The following RPS6KA6 variants were observed in gnomAD, a reference collection of about 807,000 sequenced individuals.
RPS6KA6 encodes the protein ribosomal protein S6 kinase alpha-6.
In RPS6KA6, 27 loss-of-function variants were observed where a neutral mutation model predicts 65.4. The observed-to-expected ratio is 0.41, with a 90% CI of 0.30 to 0.57. The LOEUF is 0.57. Ranked by LOEUF, RPS6KA6 falls within the 20% of genes least tolerant of loss-of-function variation. The probability of loss-of-function intolerance (pLI) is 0.24; values close to 1 mark genes in which losing one functional copy is unlikely to be tolerated. For missense variants in RPS6KA6, 486 were observed against 555.6 expected (o/e 0.87, Z 1.26); for synonymous variants, 190 against 184.2 (o/e 1.03, Z -0.26).
At chrX:84,085,141 T>C (rs765336415) in intron 20 of RPS6KA6, among the ~76,000 whole-genome samples, 4 of 111,673 alleles carry the variant, frequency 3.6e-5, no homozygotes, top group Non-Finnish European at 7.5e-5. Context: ...GATCAAGTCA[T>C]CTGCAAAGAA....
At chrX:84,083,636 G>A (rs1394107819) in intron 20 of RPS6KA6, among the ~76,000 whole-genome samples, 6 of 112,308 alleles carry the variant, frequency 5.3e-5, no homozygotes, top group Non-Finnish European at 1.1e-4. Flanking sequence ...GGGCATGTGG[G>A]TTGATTCCAT....
At chrX:84,096,418 T>C (rs2034158680) in intron 19 of RPS6KA6, 107 bp from the exon 20 acceptor site, 1 of 352,982 alleles carries the variant, frequency 2.8e-6, no homozygotes. Context: ...TGAATAAGAA[T>C]ATCATCTCAT....
At chrX:84,110,094 A>G (rs1056971200) in intron 12 of RPS6KA6, among the ~76,000 whole-genome samples, 3 of 112,025 alleles carry the variant, frequency 2.7e-5, no homozygotes, top group African/African-American at 9.7e-5. Context: ...AGGAGGTTCC[A>G]CCCAGAAACA....
At chrX:84,155,069 G>C in intron 3 of RPS6KA6, among the ~76,000 whole-genome samples, 1 of 109,524 alleles carries the variant, frequency 9.1e-6, no homozygotes, top group Non-Finnish European at 1.9e-5. Context: ...GGGTGTGGTG[G>C]TGCACACCTG....
At chrX:84,137,430 A>C (rs369933828) in intron 6 of RPS6KA6, among the ~76,000 whole-genome samples, 3 of 111,791 alleles carry the variant, frequency 2.7e-5, no homozygotes, top group Admixed American at 9.5e-5. Context: ...TGTACATCTT[A>C]CTGATATTTA....
At chrX:84,179,599 A>G (rs776850217) in intron 1 of RPS6KA6, among the ~76,000 whole-genome samples, 14 of 111,958 alleles carry the variant, frequency 1.3e-4, no homozygotes, top group African/African-American at 4.5e-4. Context: ...CTGAATGACC[A>G]TGTCTTTTTT....
intron 20 of RPS6KA6, among the ~76,000 whole-genome samples, chrX:84,077,709 T>C (rs1008934854): frequency 4.5e-5 from 5 of 112,024 alleles, no homozygotes. Context: ...GGGTTACACC[T>C]TGAAAAATAC....
At chrX:84,094,990 A>G (rs1369058707) in intron 20 of RPS6KA6, among the ~76,000 whole-genome samples, 1 of 112,326 alleles carries the variant, frequency 8.9e-6, no homozygotes, top group Non-Finnish European at 1.9e-5. Flanking sequence ...ACCAAATTGC[A>G]TAGAAATGAA....
intron 20 of RPS6KA6, among the ~76,000 whole-genome samples, chrX:84,084,974 A>G (rs1050776333): frequency 9.0e-6 from 1 of 110,984 alleles, no homozygotes; most frequent in Non-Finnish European, 1.9e-5. Flanking sequence ...GCAATTGTGA[A>G]TGGGAGTTCA....
chrX:84,148,457 T>A (rs2035240147), intron 3 of RPS6KA6, among the ~76,000 whole-genome samples: 1 of 111,600 alleles, frequency 9.0e-6, no homozygotes. Context: ...CTCACTTTTC[T>A]TAGATTTAAT....
chrX:84,103,182 C>A (rs944904360), intron 17 of RPS6KA6, among the ~76,000 whole-genome samples: 1 of 110,833 alleles, frequency 9.0e-6, no homozygotes, highest in Non-Finnish European at 1.9e-5. Context: ...GAAAATAGAA[C>A]ACAGTCTTAA....
intron 20 of RPS6KA6, among the ~76,000 whole-genome samples, chrX:84,093,093 A>G (rs1396230697): frequency 4.5e-5 from 5 of 112,334 alleles, no homozygotes; most frequent in Admixed American, 9.5e-5. Flanking sequence ...AGAAAGACAA[A>G]TATCACATGA....
rs1238151708 is a variant in RPS6KA6 at position 84,062,900 on chromosome X, C to A, written c.*1377G>T. On this transcript the variant is annotated 3_prime_UTR_variant, in exon 22 of 22. Transcript: ENST00000262752. ...ACTGTGATATCCTCCAGTTTACATTCATGAATTCTTTCTGTCAGTAGTAGT... is the reference window on the plus strand; with the variant it reads ...ACTGTGATATCCTCCAGTTTACATTAATGAATTCTTTCTGTCAGTAGTAGT... 3 of 109,463 alleles carry A rather than the reference C, an allele frequency of 2.7e-5. No individual in the cohort carries two copies. Among genetic ancestry groups the A allele is most frequent in the Non-Finnish European group, 5.7e-5 (3 of 52,437 alleles). 9.0% of individuals were successfully genotyped at this position (109,463 alleles called of 1,213,427 possible).
chrX:84,061,557 G>T lies in RPS6KA6; in HGVS notation c.*2720C>A, dbSNP rs1442479773. 9.0e-6 allele frequency: 1 copy of T among 111,233 alleles called. No homozygotes were observed. Among genetic ancestry groups the T allele is most frequent in the Non-Finnish European group, 1.9e-5 (1 of 52,906 alleles). 9.2% of individuals were successfully genotyped at this position (111,233 alleles called of 1,213,427 possible). The stretch of plus-strand genomic sequence containing the variant: ...AATCCCCATCACCAGCACTGCATTC[G>T]AATTTTCTTGAAAATTGTTTCCTGA... On this transcript the variant is annotated 3_prime_UTR_variant, in exon 22 of 22. Coordinates refer to ENST00000262752, the MANE Select transcript of RPS6KA6 (RefSeq NM_014496.5).
chrX:84,119,934 C>T lies in RPS6KA6; in HGVS notation c.740G>A (p.Arg247Lys). 1 of 1,197,353 alleles carries T rather than the reference C, an allele frequency of 8.4e-7. No homozygotes were observed. Among genetic ancestry groups the T allele is most frequent in the Non-Finnish European group, 1.1e-6 (1 of 885,243 alleles). Residue 247 changes from arginine to lysine, a missense_variant, in exon 9 of 22, where the codon AGG (arginine) becomes AAG (lysine). Around this residue, in one of 3 missense-constraint regions of RPS6KA6, gnomAD observed 345 missense variants for 375.0 expected, o/e 0.92. Transcript: ENST00000262752. ...VEYMAPEVVN[R>K]RGHSQSADWW... is the part of the protein sequence containing the mutation. ...ATCAGCACTCTGGGAATGGCCTCTC[C>T]TATTTACTACTTCAGGAGCCATATA...
chrX:84,171,762 T>C (rs142398284), intron 1 of RPS6KA6, among the ~76,000 whole-genome samples: 1,171 of 111,392 alleles, frequency 0.011, 19 homozygotes, highest in African/African-American at 0.033. Flanking sequence ...TTGCTCCACC[T>C]ATCAACTCGC....
chrX:84,099,460 C>A lies in RPS6KA6; in HGVS notation c.1777-1612G>T, dbSNP rs145030260. ...AGTAGTCAGTGGCATAAGTCTCTCTCTCATTTGGCTTCCCAAGTCAGCAGA... is the reference window on the plus strand; with the variant it reads ...AGTAGTCAGTGGCATAAGTCTCTCTATCATTTGGCTTCCCAAGTCAGCAGA... On this transcript the variant is annotated intron_variant, in intron 18 of 21. Transcript: ENST00000262752. Among the ~76,000 whole-genome samples the A allele has an allele frequency of 2.4e-3, 269 of 111,210 alleles. 5 individuals carry two copies. The East Asian group carries it at 0.058, about 24-fold the overall frequency.
intron 20 of RPS6KA6, among the ~76,000 whole-genome samples, chrX:84,086,493 T>C (rs927082058): frequency 8.9e-6 from 1 of 111,966 alleles, no homozygotes; most frequent in Non-Finnish European, 1.9e-5. Context: ...TCTTGAGTTC[T>C]AATTTGATTG....
rs1162424706 is a variant in RPS6KA6, at chrX:84,156,063, A to T, written c.258+12T>A. 9 of 1,049,429 alleles carry T rather than the reference A, an allele frequency of 8.6e-6. No homozygotes were observed. The highest frequency in any genetic ancestry group is 1.2e-5 in the Non-Finnish European group (9 of 754,132). 86.5% of individuals were successfully genotyped at this position (1,049,429 alleles called of 1,213,427 possible). A position where few individuals can be genotyped will look rare whatever the true frequency, so the allele number is the denominator to read the frequency against. On this transcript the variant is annotated intron_variant, in intron 3 of 21. Transcript: ENST00000262752. ...AGAAGAGGAACAAATGGGGAAAAAAATTATTCATTACCTTTCCAAATGACC... is the reference window on the plus strand; with the variant it reads ...AGAAGAGGAACAAATGGGGAAAAAATTTATTCATTACCTTTCCAAATGACC...
Sources: allele counts gnomAD v4.1 joint callset (sites outside exome capture counted in the v4.1 genomes callset), GRCh38; gene constraint gnomAD v4.1.1; regional missense constraint gnomAD v4.1.1; transcripts MANE v1.5; gene names NCBI Gene and HGNC (gene_info 2026-07-23, HGNC 2026-07-21).